DUSP5: variants seen among roughly 807,000 people sequenced by gnomAD.
DUSP5 encodes the protein dual specificity protein phosphatase 5.
In DUSP5, 22 loss-of-function variants were observed where a neutral mutation model predicts 33.6. That is an observed-to-expected ratio of 0.66 (90% CI 0.47 to 0.94). The LOEUF (loss-of-function observed/expected upper bound fraction) is 0.94, where lower values mean the gene tolerates loss of function less well. Among genes scored for constraint, DUSP5 ranks in the 40% least tolerant of loss-of-function variants. DUSP5 has a pLI of 0.00. For synonymous variants in DUSP5, 270 were observed against 231.1 expected, an observed-to-expected ratio of 1.17 and a Z score of -1.53; for missense variants, 551 against 522.1, an observed-to-expected ratio of 1.06 and a Z score of -0.54.
chr10:110,510,162 G>A lies in DUSP5; in HGVS notation c.891G>A (p.Arg297=). 2 of 1,614,200 alleles carry A rather than the reference G, an allele frequency of 1.2e-6. No individual in the cohort carries two copies. Among genetic ancestry groups the A allele is most frequent in the Non-Finnish European group, 1.7e-6 (2 of 1,180,040 alleles). The change falls in exon 4 of 4, where the codon AGG becomes AGA. Residue 297 remains arginine (R), a synonymous_variant. Transcript: ENST00000369583. Reference sequence around the variant, plus strand: ...CCTTCGATTACATCAAGCAGAGGAGGAGCATGGTCTCGCCCAACTTTGGCT... The same window carrying A: ...CCTTCGATTACATCAAGCAGAGGAGAAGCATGGTCTCGCCCAACTTTGGCT... ...KEAFDYIKQR[R]SMVSPNFGFM...
In DUSP5 at chr10:110,510,164, G is replaced by A. The variant is rs1266682696; in HGVS notation, c.893G>A (p.Ser298Asn). 1.2e-6 allele frequency: 2 copies of A among 1,614,108 alleles called. No individual in the cohort carries two copies. Among genetic ancestry groups the A allele is most frequent in the African/African-American group, 1.3e-5 (1 of 74,936 alleles). ...TTCGATTACATCAAGCAGAGGAGGA[G>A]CATGGTCTCGCCCAACTTTGGCTTC... ...EAFDYIKQRR[S>N]MVSPNFGFMG... The change falls in exon 4 of 4, where the codon AGC becomes AAC. Residue 298 changes from serine to asparagine, a missense_variant. Physicochemically the swap from Ser to Asn is conservative, Grantham distance 46. Transcript: ENST00000369583.
rs548929241 is a variant in DUSP5, at chr10:110,498,451, C to G, written c.330C>G (p.Thr110=). 6.5e-7 allele frequency: 1 copy of G among 1,542,028 alleles called. No homozygotes were observed. Among genetic ancestry groups the G allele is most frequent in the Admixed American group, 1.9e-5 (1 of 53,810 alleles). Reference sequence around the variant, plus strand: ...AGAGCGCCGCGCGTGTCGTCCTCACCTCGCTACTCGCTTGCCTACCCGCCG... The same window carrying G: ...AGAGCGCCGCGCGTGTCGTCCTCACGTCGCTACTCGCTTGCCTACCCGCCG... ...REESAARVVL[T]SLLACLPAGP... Residue 110 remains threonine, a synonymous_variant, in exon 1 of 4, where the codon ACC becomes ACG. Transcript: ENST00000369583.
chr10:110,507,154 G>T lies in DUSP5; in HGVS notation c.748G>T (p.Asp250Tyr). Residue 250 changes from aspartate (D) to tyrosine (Y), a missense_variant and splice_region_variant, in exon 3 of 4, where the codon GAC becomes TAC. Around this residue, in one of 3 missense-constraint regions of DUSP5, gnomAD observed 158 missense variants for 181.8 expected, o/e 0.87. Transcript: ENST00000369583. ...SHFQEAIDFIDCVREKGGKVL... is the reference protein window; with the variant it reads ...SHFQEAIDFIYCVREKGGKVL... Reference sequence around the variant, plus strand: ...CTTTCAAGAAGCAATAGACTTCATTGGTAGGTTTAGCCATTCCCCTTCAGT... The same window carrying T: ...CTTTCAAGAAGCAATAGACTTCATTTGTAGGTTTAGCCATTCCCCTTCAGT... 6.2e-7 allele frequency: 1 copy of T among 1,612,486 alleles called. No individual in the cohort carries two copies. Among genetic ancestry groups the T allele is most frequent in the South Asian group, 1.1e-5 (1 of 91,070 alleles).
intron 1 of DUSP5, among the ~76,000 whole-genome samples, chr10:110,502,094 C>G (rs1053840356): frequency 1.3e-5 from 2 of 152,066 alleles, no homozygotes; most frequent in Non-Finnish European, 2.9e-5. Context: ...AGTCTTTATT[C>G]TTTCAGTTGA....
At chr10:110,502,931 T>G (rs1389984301) in intron 2 of DUSP5, 62 bp downstream of exon 2, 1 of 1,599,098 alleles carries the variant, frequency 6.3e-7, no homozygotes, top group Admixed American at 1.7e-5. Flanking sequence ...TCTCCCTTCC[T>G]TCCTCAGCAC....
chr10:110,507,435 G>T (rs917620752), intron 3 of DUSP5, among the ~76,000 whole-genome samples: 28 of 152,222 alleles, frequency 1.8e-4, no homozygotes, highest in African/African-American at 5.8e-4. Flanking sequence ...CTGGGCAGGA[G>T]CTGAGTGTAT....
chr10:110,502,645 A>G (rs1860068029), intron 1 of DUSP5, 76 bp from the exon 2 acceptor site: 1 of 1,531,828 alleles, frequency 6.5e-7, no homozygotes, highest in East Asian at 2.3e-5. Flanking sequence ...CAGAGTATTG[A>G]TTAACTATGG....
chr10:110,507,911 C>T (rs1860137864), intron 3 of DUSP5, among the ~76,000 whole-genome samples: 1 of 152,134 alleles, frequency 6.6e-6, no homozygotes, highest in Non-Finnish European at 1.5e-5. Flanking sequence ...TGACTTTTTT[C>T]TGTTTCAGAT....
At position 110,497,987 on chromosome 10, in the gene DUSP5, C is replaced by T. The variant is rs867852027; in HGVS notation, c.-135C>T. The T allele has an allele frequency of 5.2e-5, 38 of 730,522 alleles. No individual in the cohort carries two copies. Among genetic ancestry groups the T allele is most frequent in the Middle Eastern group, 6.7e-4 (1 of 1,496 alleles). The allele number at this position is 730,522 out of a possible 1,614,324, so 45.3% of individuals were successfully genotyped here. ...CGGAGTTGCGCCGCCGCTCGGGCGC[C>T]GGGCTCCGTCGCGGCCGCAGCCCCG... On this transcript the variant is annotated 5_prime_UTR_variant, in exon 1 of 4. Transcript: ENST00000369583.
At chr10:110,504,988 GC>G (rs1177551054) in intron 2 of DUSP5, among the ~76,000 whole-genome samples, 1 of 152,168 alleles carries the variant, frequency 6.6e-6, no homozygotes, top group Non-Finnish European at 1.5e-5. Flanking sequence ...GCTGTCTGAC[GC>G]CCAAGCCCAG....
intron 1 of DUSP5, among the ~76,000 whole-genome samples, chr10:110,498,925 C>G (rs867225254): frequency 6.6e-6 from 1 of 152,284 alleles, no homozygotes; most frequent in African/African-American, 2.4e-5. Flanking sequence ...GGTGTGGCGC[C>G]GTGGTGCCCC....
intron 2 of DUSP5, among the ~76,000 whole-genome samples, chr10:110,505,903 G>A (rs1295627916): frequency 6.6e-6 from 1 of 152,158 alleles, no homozygotes; most frequent in African/African-American, 2.4e-5. Flanking sequence ...CAAAAGGATG[G>A]CTCTGTAAGC....
At chr10:110,504,912 T>C (rs1053995814) in intron 2 of DUSP5, among the ~76,000 whole-genome samples, 4 of 152,210 alleles carry the variant, frequency 2.6e-5, no homozygotes, top group African/African-American at 7.2e-5. Flanking sequence ...GGTCATAGAT[T>C]AAAGAAGCTA....
At chr10:110,500,774 G>A (rs1364116988) in intron 1 of DUSP5, among the ~76,000 whole-genome samples, 2 of 152,208 alleles carry the variant, frequency 1.3e-5, no homozygotes, top group East Asian at 1.9e-4. Flanking sequence ...AGCGAGGAAT[G>A]TTCTGTCTCT....
At chr10:110,507,987 C>T (rs1342018004) in intron 3 of DUSP5, among the ~76,000 whole-genome samples, 1 of 152,246 alleles carries the variant, frequency 6.6e-6, no homozygotes, top group Non-Finnish European at 1.5e-5. Context: ...TCCTCTTTAA[C>T]ATACGTAGTT....
At chr10:110,504,155 C>T (rs1295896516) in intron 2 of DUSP5, among the ~76,000 whole-genome samples, 1 of 152,222 alleles carries the variant, frequency 6.6e-6, no homozygotes, top group Non-Finnish European at 1.5e-5. Context: ...TGTTTTCCCC[C>T]CATTTCTCAG....
intron 1 of DUSP5, among the ~76,000 whole-genome samples, chr10:110,501,965 T>TTG (rs563118389): frequency 7.5e-6 from 1 of 133,536 alleles, no homozygotes; most frequent in African/African-American, 2.8e-5. Context: ...ACTTATTGAT[T>TTG]GGGGGGGGGG....
intron 2 of DUSP5, among the ~76,000 whole-genome samples, chr10:110,504,655 C>G (rs1448108820): frequency 6.6e-6 from 1 of 152,198 alleles, no homozygotes; most frequent in Non-Finnish European, 1.5e-5. Context: ...CTGCTGTTTT[C>G]CTGGTTTCTA....
chr10:110,499,713 T>TAA (rs1237909715), intron 1 of DUSP5, among the ~76,000 whole-genome samples: 2 of 152,224 alleles, frequency 1.3e-5, no homozygotes, highest in Non-Finnish European at 2.9e-5. Context: ...TCGTCCTTCT[T>TAA]CTAACAGCCT....
Sources: allele counts gnomAD v4.1 joint callset (sites outside exome capture counted in the v4.1 genomes callset), GRCh38; gene constraint gnomAD v4.1.1; regional missense constraint gnomAD v4.1.1; transcripts MANE v1.5; gene names NCBI Gene and HGNC (gene_info 2026-07-23, HGNC 2026-07-21).